Variants in ZFPM2 observed in about 807,000 individuals in gnomAD.
The protein encoded by ZFPM2 is zinc finger protein, FOG family member 2.
In ZFPM2, 20 loss-of-function variants were observed where a neutral mutation model predicts 98.6. The ratio of observed to expected loss-of-function variants is 0.20; its 90% CI spans 0.14 to 0.29. ZFPM2 has a LOEUF of 0.29. Ranked by LOEUF, ZFPM2 falls within the 10% of genes least tolerant of loss-of-function variation. The probability of loss-of-function intolerance (pLI) is 1.00; values close to 1 mark genes in which losing one functional copy is unlikely to be tolerated. For missense variants in ZFPM2, 1,310 were observed against 1,388.6 expected, an observed-to-expected ratio of 0.94 and a Z score of 0.90; for synonymous variants, 518 against 502.7, an observed-to-expected ratio of 1.03 and a Z score of -0.41.
chr8:105,380,139 C>A (rs1810817950), intron 1 of ZFPM2, among the ~76,000 whole-genome samples: 1 of 152,122 alleles, frequency 6.6e-6, no homozygotes, highest in African/African-American at 2.4e-5. Context: ...TTGACAAAGA[C>A]TTTCTGTAGT....
In ZFPM2 at chr8:105,662,973, C is replaced by G. The variant is rs1216116495; in HGVS notation, c.532+28616C>G. 2.0e-5 allele frequency: 3 copies of G among 152,080 alleles called. No individual in the cohort carries two copies. The East Asian group carries it at 5.8e-4, about 29-fold the overall frequency. 9.4% of individuals were successfully genotyped at this position (152,080 alleles called of 1,614,324 possible). On this transcript the variant is annotated intron_variant, in intron 5 of 7. Coordinates refer to ENST00000407775, the MANE Select transcript of ZFPM2 (RefSeq NM_012082.4). ...TGAGAGACAACACTCGAAGAATGTT[C>G]TATTATCTTTCATCAGTGTTTGTGG...
chr8:105,714,869 C>T (rs1193824340), intron 5 of ZFPM2, among the ~76,000 whole-genome samples: 5 of 152,060 alleles, frequency 3.3e-5, no homozygotes, highest in Admixed American at 6.6e-5. Flanking sequence ...TGTCTTTCTA[C>T]AGCCAGTACA....
intron 5 of ZFPM2, among the ~76,000 whole-genome samples, chr8:105,783,171 A>G (rs748695689): frequency 6.7e-6 from 1 of 149,902 alleles, no homozygotes; most frequent in Non-Finnish European, 1.5e-5. Flanking sequence ...TTGCTAGGAA[A>G]GTCGAGAAGG....
intron 3 of ZFPM2, among the ~76,000 whole-genome samples, chr8:105,542,667 C>G (rs535935861): frequency 6.6e-6 from 1 of 152,170 alleles, no homozygotes; most frequent in East Asian, 1.9e-4. Context: ...ATTTTGGTAT[C>G]CTGCAGGAGG....
intron 1 of ZFPM2, among the ~76,000 whole-genome samples, chr8:105,368,319 G>T (rs1243772793): frequency 1.3e-5 from 2 of 152,086 alleles, no homozygotes; most frequent in Non-Finnish European, 2.9e-5. Flanking sequence ...ACCACAAGGA[G>T]AATTCTTTTA....
At chr8:105,613,607 A>C (rs1816353482) in intron 4 of ZFPM2, among the ~76,000 whole-genome samples, 2 of 152,170 alleles carry the variant, frequency 1.3e-5, no homozygotes, top group African/African-American at 2.4e-5. Context: ...ATTGAAGAAT[A>C]ATTGCTCTGA....
chr8:105,582,947 G>C (rs973285857), intron 4 of ZFPM2, among the ~76,000 whole-genome samples: 1 of 152,084 alleles, frequency 6.6e-6, no homozygotes. Context: ...CAAATACTGT[G>C]ACTGTCTATG....
chr8:105,360,685 C>T (rs1812840340), intron 1 of ZFPM2, among the ~76,000 whole-genome samples: 2 of 147,376 alleles, frequency 1.4e-5, no homozygotes, highest in South Asian at 4.4e-4. Context: ...CATGTGTTCC[C>T]ATTGTTCAAT....
At chr8:105,541,039 C>T (rs115660804) in intron 3 of ZFPM2, among the ~76,000 whole-genome samples, 1,562 of 152,116 alleles carry the variant, frequency 0.01, 28 homozygotes, top group African/African-American at 0.036. Context: ...CTGTAAGATT[C>T]GAATTTTTCT....
intron 5 of ZFPM2, chr8:105,676,156 A>C (rs1014280989): frequency 1.2e-4 from 18 of 152,220 alleles, no homozygotes. Flanking sequence ...AATAAACAGC[A>C]GTGACTTATG....
At chr8:105,496,946 C>T (rs1420864591) in intron 3 of ZFPM2, among the ~76,000 whole-genome samples, 2 of 132,852 alleles carry the variant, frequency 1.5e-5, no homozygotes, top group Non-Finnish European at 3.1e-5. Context: ...CTCGCCACTG[C>T]ACTCCAGCCT....
At chr8:105,352,005 GA>G (rs1812655751) in intron 1 of ZFPM2, among the ~76,000 whole-genome samples, 1 of 152,184 alleles carries the variant, frequency 6.6e-6, no homozygotes, top group South Asian at 2.1e-4. Context: ...AGAATCTTGA[GA>G]GGGGCACCCA....
intron 1 of ZFPM2, among the ~76,000 whole-genome samples, chr8:105,383,883 A>T (rs1348813410): frequency 6.6e-6 from 1 of 152,194 alleles, no homozygotes; most frequent in Non-Finnish European, 1.5e-5. Flanking sequence ...AAATCTGCAT[A>T]ATGCTTATAT....
At chr8:105,690,048 C>G (rs1810841361) in intron 5 of ZFPM2, among the ~76,000 whole-genome samples, 1 of 152,164 alleles carries the variant, frequency 6.6e-6, no homozygotes, top group Non-Finnish European at 1.5e-5. Context: ...ATCTCTGTAT[C>G]CTGCACACTA....
chr8:105,553,093 G>C (rs1184487619), intron 3 of ZFPM2, among the ~76,000 whole-genome samples: 5 of 152,072 alleles, frequency 3.3e-5, no homozygotes, highest in Non-Finnish European at 5.9e-5. Flanking sequence ...TTACAGACGT[G>C]AACCATTGTA....
chr8:105,609,532 T>C (rs1816263234), intron 4 of ZFPM2, among the ~76,000 whole-genome samples: 2 of 152,202 alleles, frequency 1.3e-5, no homozygotes, highest in African/African-American at 4.8e-5. Flanking sequence ...TTTCTAAATC[T>C]ATTAATGAAT....
chr8:105,732,141 C>A (rs1811956052), intron 5 of ZFPM2, among the ~76,000 whole-genome samples: 1 of 151,528 alleles, frequency 6.6e-6, no homozygotes, highest in African/African-American at 2.4e-5. Flanking sequence ...GGCAGCTGTC[C>A]CCCTATTTGA....
intron 3 of ZFPM2, among the ~76,000 whole-genome samples, chr8:105,458,619 G>C (rs1351124256): frequency 6.6e-6 from 1 of 152,018 alleles, no homozygotes; most frequent in Admixed American, 6.6e-5. Context: ...AAAAATGATC[G>C]AGTATCTGAA....
intron 4 of ZFPM2, among the ~76,000 whole-genome samples, chr8:105,569,916 A>T (rs1341731242): frequency 6.6e-6 from 1 of 152,154 alleles, no homozygotes; most frequent in East Asian, 1.9e-4. Flanking sequence ...ATTTATACTG[A>T]ATTGATGGGA....
Sources: gnomAD v4.1 joint callset for allele counts (sites outside exome capture counted in the v4.1 genomes callset) on GRCh38, gnomAD v4.1.1 for gene constraint, MANE v1.5 for transcripts, NCBI Gene and HGNC (gene_info 2026-07-23, HGNC 2026-07-21) for gene names.